MGAT4A: variants seen among roughly 807,000 people sequenced by gnomAD.
The protein encoded by MGAT4A is N-acetylglucosaminyltransferase IVa.
A neutral mutation model predicts 74.1 loss-of-function variants in MGAT4A; 33 were observed. The ratio of observed to expected loss-of-function variants is 0.45; its 90% CI spans 0.34 to 0.60. The LOEUF is 0.60. Ranked by LOEUF, MGAT4A falls within the 20% of genes least tolerant of loss-of-function variation. MGAT4A has a pLI of 0.02. For missense variants in MGAT4A, 479 were observed against 628.3 expected, an observed-to-expected ratio of 0.76 and a Z score of 2.54; for synonymous variants, 198 against 210.4, an observed-to-expected ratio of 0.94 and a Z score of 0.51.
chr2:98,685,327 A>C (rs965995390), intron 2 of MGAT4A, among the ~76,000 whole-genome samples: 5 of 152,020 alleles, frequency 3.3e-5, no homozygotes, highest in Non-Finnish European at 7.4e-5. Flanking sequence ...AATTTTTTTT[A>C]AATATGAATG....
intron 8 of MGAT4A, among the ~76,000 whole-genome samples, chr2:98,646,015 T>A (rs1701478671): frequency 6.6e-6 from 1 of 152,194 alleles, no homozygotes; most frequent in Admixed American, 6.5e-5. Flanking sequence ...GTGAAGCTAT[T>A]TTACGTATAT....
intron 6 of MGAT4A, among the ~76,000 whole-genome samples, chr2:98,656,756 C>T (rs565746284): frequency 4.6e-5 from 7 of 150,728 alleles, no homozygotes; most frequent in African/African-American, 1.7e-4. Context: ...ATTAACGTTC[C>T]TAAAATGTAT....
intron 12 of MGAT4A, among the ~76,000 whole-genome samples, chr2:98,637,856 A>G (rs1701346334): frequency 6.6e-6 from 1 of 152,234 alleles, no homozygotes; most frequent in African/African-American, 2.4e-5. Context: ...CCGCACATTC[A>G]AAATGCTCAG....
At chr2:98,692,695 T>C (rs1013378318) in intron 2 of MGAT4A, among the ~76,000 whole-genome samples, 1 of 152,232 alleles carries the variant, frequency 6.6e-6, no homozygotes, top group Non-Finnish European at 1.5e-5. Context: ...CATTGTGTTA[T>C]AATTGCCTAT....
At chr2:98,645,365 G>T in intron 9 of MGAT4A, 63 bp downstream of exon 9, 3 of 1,224,928 alleles carry the variant, frequency 2.4e-6, no homozygotes, top group South Asian at 1.5e-5. Context: ...GTAGCTACTT[G>T]GTTTTAGATT....
At chr2:98,672,233 T>A (rs1251733488) in intron 4 of MGAT4A, among the ~76,000 whole-genome samples, 2 of 152,166 alleles carry the variant, frequency 1.3e-5, no homozygotes, top group East Asian at 3.8e-4. Context: ...TCTTACACAT[T>A]CTCAAAGCAT....
At chr2:98,648,038 T>C (rs1559158870) in intron 8 of MGAT4A, among the ~76,000 whole-genome samples, 1 of 152,232 alleles carries the variant, frequency 6.6e-6, no homozygotes, top group Non-Finnish European at 1.5e-5. Flanking sequence ...CATTTAAAAC[T>C]ACCATTAACT....
At chr2:98,651,328 T>A (rs1559159661) in intron 8 of MGAT4A, among the ~76,000 whole-genome samples, 1 of 152,216 alleles carries the variant, frequency 6.6e-6, no homozygotes, top group Non-Finnish European at 1.5e-5. Flanking sequence ...AATCTTTTGA[T>A]CACATTAAAA....
In MGAT4A at chr2:98,623,435, C is replaced by G; in HGVS notation, c.*2131G>C. The G allele has an allele frequency of 1.0e-6, 1 of 985,424 alleles. No individual in the cohort carries two copies. Among genetic ancestry groups the G allele is most frequent in the Non-Finnish European group, 1.2e-6 (1 of 829,934 alleles). The allele number at this position is 985,424 out of a possible 1,614,324, so 61.0% of individuals were successfully genotyped here. ...GACCCAAGAGTACTCCTAAGCCCAC[C>G]TGCAGAGATTTTTACTTCTGGTACT... On this transcript the variant is annotated 3_prime_UTR_variant, in exon 16 of 16. Transcript: ENST00000393487.
intron 2 of MGAT4A, among the ~76,000 whole-genome samples, chr2:98,686,339 T>C (rs1702129879): frequency 6.6e-6 from 1 of 152,170 alleles, no homozygotes; most frequent in African/African-American, 2.4e-5. Context: ...GAATACCAAA[T>C]CGGCTATGGT....
At chr2:98,716,479 G>T (rs1702593009) in intron 2 of MGAT4A, among the ~76,000 whole-genome samples, 1 of 152,180 alleles carries the variant, frequency 6.6e-6, no homozygotes, top group South Asian at 2.1e-4. Context: ...TTAGCTGGGT[G>T]TGGTGGGGTG....
chr2:98,628,283 A>C (rs1490300710), intron 14 of MGAT4A, among the ~76,000 whole-genome samples: 2 of 152,206 alleles, frequency 1.3e-5, no homozygotes, highest in Non-Finnish European at 2.9e-5. Flanking sequence ...GCCAAGAAAA[A>C]CACTCAAAAT....
At chr2:98,710,906 C>T (rs1396863526) in intron 2 of MGAT4A, among the ~76,000 whole-genome samples, 1 of 151,840 alleles carries the variant, frequency 6.6e-6, no homozygotes, top group African/African-American at 2.4e-5. Context: ...CTGTGCAAAC[C>T]CACAGTTTTG....
intron 4 of MGAT4A, among the ~76,000 whole-genome samples, chr2:98,669,798 G>A (rs1701888448): frequency 6.6e-6 from 1 of 152,110 alleles, no homozygotes; most frequent in South Asian, 2.1e-4. Flanking sequence ...TGGGGCAAAG[G>A]GGATATAATT....
At chr2:98,702,813 C>T (rs2104316012) in intron 2 of MGAT4A, among the ~76,000 whole-genome samples, 1 of 152,312 alleles carries the variant, frequency 6.6e-6, no homozygotes, top group East Asian at 1.9e-4. Flanking sequence ...AGTACAGAGA[C>T]ATCCAGAGTC....
chr2:98,678,249 A>ATATATATATATAT (rs1553538280), intron 3 of MGAT4A, 55 bp downstream of exon 3: 68 of 263,808 alleles, frequency 2.6e-4, no homozygotes, highest in Admixed American at 4.1e-4. Context: ...AAAAAAAAAA[A>ATATATATATATAT]ATATATATAT....
intron 2 of MGAT4A, among the ~76,000 whole-genome samples, chr2:98,717,121 T>C (rs563545444): frequency 1.3e-5 from 2 of 152,252 alleles, no homozygotes; most frequent in South Asian, 4.1e-4. Flanking sequence ...GGCTCACACC[T>C]GTAATCCCAG....
Position 98,663,072 on chromosome 2 carries a change from A to T in MGAT4A, c.511T>A (p.Cys171Ser), listed in dbSNP as rs753456874. ...DNLYPEEKLD[C>S]VIVVFIGETD... Reference sequence around the variant, plus strand: ...TCTCCTATGAAGACTACTATAACACAGTCCAACTTCTCTTCAGGATACAGG... The same window carrying T: ...TCTCCTATGAAGACTACTATAACACTGTCCAACTTCTCTTCAGGATACAGG... Residue 171 changes from cysteine to serine, a missense_variant, in exon 5 of 16, where the codon TGT becomes AGT. Transcript: ENST00000393487. 1 of 1,585,374 alleles carries T rather than the reference A, an allele frequency of 6.3e-7. No homozygotes were observed. The highest frequency in any genetic ancestry group is 1.3e-5 in the African/African-American group (1 of 74,194).
At chr2:98,703,531 T>C (rs899769464) in intron 2 of MGAT4A, among the ~76,000 whole-genome samples, 2 of 152,172 alleles carry the variant, frequency 1.3e-5, no homozygotes, top group Admixed American at 6.5e-5. Flanking sequence ...CTTCCTCAAC[T>C]GGATAAAGAA....
Sources: allele counts gnomAD v4.1 joint callset (sites outside exome capture counted in the v4.1 genomes callset), GRCh38; gene constraint gnomAD v4.1.1; transcripts MANE v1.5; gene names NCBI Gene and HGNC (gene_info 2026-07-23, HGNC 2026-07-21).